The following CPED1 variants were observed in gnomAD, a reference collection of about 807,000 sequenced individuals.
CPED1 encodes cadherin like and PC-esterase domain containing 1.
Under a neutral mutation model 128.2 loss-of-function variants are expected in CPED1, and 114 were observed. The ratio of observed to expected loss-of-function variants is 0.89; its 90% CI spans 0.76 to 1.04. The LOEUF is 1.04. CPED1 is among the 50% of genes least tolerant of loss of function. The pLI, the probability that CPED1 is intolerant of heterozygous loss-of-function variation, is 0.00. For missense variants in CPED1, 1,211 were observed against 1,207.1 expected, an observed-to-expected ratio of 1.00 and a Z score of -0.05; for synonymous variants, 462 against 426.7, an observed-to-expected ratio of 1.08 and a Z score of -1.02.
chr7:121,096,282 T>C (rs1464053059), intron 5 of CPED1, among the ~76,000 whole-genome samples: 1 of 152,176 alleles, frequency 6.6e-6, no homozygotes, highest in Non-Finnish European at 1.5e-5. Context: ...ACAGCTTGAC[T>C]TCTGCTGACT....
Position 121,266,712 on chromosome 7 carries a change from G to A in CPED1, c.2537G>A (p.Arg846His), listed in dbSNP as rs774877264. The A allele has an allele frequency of 1.1e-5, 18 of 1,611,532 alleles. No individual in the cohort carries two copies. The highest frequency in any genetic ancestry group is 1.6e-4 in the Middle Eastern group (1 of 6,064). The change falls in exon 20 of 23, where the codon CGT (arginine) becomes CAT (histidine). Residue 846 changes from arginine (R) to histidine (H), a missense_variant. By Grantham distance (29) the Arg-to-His change is conservative (BLOSUM62 0). Transcript: ENST00000310396. ...TTTTTCTTTCTGAATTTCAGATCAC[G>A]TCCCCTAGAGAATACTGGCCAGACT... ...NALEHLLQRS[R>H]PLENTGQTVL...
In CPED1 at chr7:121,295,807, A is replaced by T; in HGVS notation, c.*155A>T. 1.7e-6 allele frequency: 1 copy of T among 582,514 alleles called. No homozygotes were observed. The highest frequency in any genetic ancestry group is 2.9e-5 in the East Asian group (1 of 34,900). The allele number at this position is 582,514 out of a possible 1,614,324, so 36.1% of individuals were successfully genotyped here. A position where few individuals can be genotyped will look rare whatever the true frequency, so the allele number is the denominator to read the frequency against. On this transcript the variant is annotated 3_prime_UTR_variant, in exon 23 of 23. Transcript: ENST00000310396. ...CATGCACACCAGTACACACACAGTTAAATAATGATAACACTTCTTACAGCT... is the reference window on the plus strand; with the variant it reads ...CATGCACACCAGTACACACACAGTTTAATAATGATAACACTTCTTACAGCT...
At chr7:121,150,929 C>T (rs1048921617) in intron 16 of CPED1, among the ~76,000 whole-genome samples, 4 of 151,994 alleles carry the variant, frequency 2.6e-5, no homozygotes, top group South Asian at 2.1e-4. Flanking sequence ...CCACCACACC[C>T]GGCTAATTTT....
intron 16 of CPED1, among the ~76,000 whole-genome samples, chr7:121,198,738 G>A (rs763844157): frequency 2.0e-5 from 3 of 152,142 alleles, no homozygotes; most frequent in Admixed American, 6.6e-5. Context: ...AAGATACCAC[G>A]TGCTGGCATA....
intron 3 of CPED1, among the ~76,000 whole-genome samples, chr7:121,036,170 G>T (rs1442238632): frequency 6.6e-6 from 1 of 152,040 alleles, no homozygotes; most frequent in Non-Finnish European, 1.5e-5. Flanking sequence ...GTGGCATTTG[G>T]TTACATGAAT....
intron 2 of CPED1, among the ~76,000 whole-genome samples, chr7:121,000,910 C>G (rs1791834741): frequency 6.6e-6 from 1 of 152,080 alleles, no homozygotes; most frequent in Non-Finnish European, 1.5e-5. Context: ...TTTGTGGGAA[C>G]TGAATAAAAA....
intron 16 of CPED1, among the ~76,000 whole-genome samples, chr7:121,186,070 A>G (rs1796995157): frequency 6.6e-6 from 1 of 152,222 alleles, no homozygotes; most frequent in African/African-American, 2.4e-5. Context: ...CATTTTAAAA[A>G]TGGACTAAGA....
chr7:121,138,961 A>C (rs761627365), intron 14 of CPED1, among the ~76,000 whole-genome samples: 5 of 152,054 alleles, frequency 3.3e-5, no homozygotes, highest in African/African-American at 4.8e-5. Context: ...TTCTGGAGAA[A>C]AAACTTTGAT....
chr7:121,002,337 T>C (rs1791883149), intron 2 of CPED1, among the ~76,000 whole-genome samples: 1 of 152,154 alleles, frequency 6.6e-6, no homozygotes, highest in Non-Finnish European at 1.5e-5. Context: ...TACCCGACCT[T>C]AGCAAAGCAT....
chr7:121,045,217 T>G (rs753604010), intron 3 of CPED1, among the ~76,000 whole-genome samples: 2 of 152,200 alleles, frequency 1.3e-5, no homozygotes, highest in Non-Finnish European at 2.9e-5. Context: ...TGCTGCACGA[T>G]GAGATTTCTC....
chr7:121,103,221 A>G (rs1794896341), intron 7 of CPED1, among the ~76,000 whole-genome samples: 1 of 152,130 alleles, frequency 6.6e-6, no homozygotes, highest in African/African-American at 2.4e-5. Context: ...CGGTTGTAGC[A>G]TAGGAAAGCA....
chr7:121,002,700 G>A (rs1291350095), intron 2 of CPED1, among the ~76,000 whole-genome samples: 1 of 152,126 alleles, frequency 6.6e-6, no homozygotes, highest in Non-Finnish European at 1.5e-5. Flanking sequence ...GTATGACCAT[G>A]TTTGCTTTTA....
chr7:121,194,227 T>C (rs1440711386), intron 16 of CPED1, among the ~76,000 whole-genome samples: 2 of 151,264 alleles, frequency 1.3e-5, no homozygotes, highest in Non-Finnish European at 3.0e-5. Flanking sequence ...TTTGTATTTA[T>C]TTTAGTAGAG....
intron 5 of CPED1, among the ~76,000 whole-genome samples, chr7:121,089,060 A>T (rs761380581): frequency 3.3e-5 from 5 of 152,292 alleles, no homozygotes; most frequent in African/African-American, 9.6e-5. Flanking sequence ...CTCTTGTGTT[A>T]TATGTCACTC....
chr7:121,280,286 CAG>C (rs1417771111), intron 22 of CPED1, among the ~76,000 whole-genome samples: 19 of 152,264 alleles, frequency 1.2e-4, no homozygotes, highest in African/African-American at 4.3e-4. Context: ...GAGTTTAAGA[CAG>C]GGGAATTTAG....
intron 16 of CPED1, among the ~76,000 whole-genome samples, chr7:121,217,035 G>A (rs983606460): frequency 7.1e-4 from 107 of 151,688 alleles, no homozygotes; most frequent in African/African-American, 2.5e-3. Context: ...CTAATTGAGA[G>A]GTTGCACAGT....
At chr7:121,126,457 C>A (rs1584530990) in intron 9 of CPED1, among the ~76,000 whole-genome samples, 2 of 151,800 alleles carry the variant, frequency 1.3e-5, no homozygotes, top group African/African-American at 4.8e-5. Context: ...TCTAACATAG[C>A]CCTTAGAGGC....
chr7:121,031,591 C>A (rs1792734895), intron 3 of CPED1, among the ~76,000 whole-genome samples: 1 of 152,156 alleles, frequency 6.6e-6, no homozygotes, highest in African/African-American at 2.4e-5. Flanking sequence ...CTCAGCCAGT[C>A]TCTGCCAATT....
At chr7:121,103,635 A>G (rs1016689974) in intron 7 of CPED1, among the ~76,000 whole-genome samples, 1 of 152,116 alleles carries the variant, frequency 6.6e-6, no homozygotes, top group African/African-American at 2.4e-5. Context: ...CCAGCATGTT[A>G]TTAAACACTG....
Sources: gnomAD v4.1 joint callset for allele counts (sites outside exome capture counted in the v4.1 genomes callset) on GRCh38, gnomAD v4.1.1 for gene constraint, MANE v1.5 for transcripts, NCBI Gene and HGNC (gene_info 2026-07-23, HGNC 2026-07-21) for gene names.